The following ARPC5L variants were observed in gnomAD, a reference collection of about 807,000 sequenced individuals.
ARPC5L encodes actin-related protein 2/3 complex subunit 5-like protein.
In ARPC5L, 4 loss-of-function variants were observed where a neutral mutation model predicts 16.9. That is an observed-to-expected ratio of 0.24 (90% CI 0.12 to 0.54). ARPC5L has a LOEUF of 0.54. Among genes scored for constraint, ARPC5L ranks in the 20% least tolerant of loss-of-function variants. The pLI is 0.95. For synonymous variants in ARPC5L, 78 were observed against 82.6 expected, an observed-to-expected ratio of 0.94 and a Z score of 0.30; for missense variants, 151 against 201.9, an observed-to-expected ratio of 0.75 and a Z score of 1.53.
At chr9:124,864,534 G>GT (rs1348913327) in intron 2 of ARPC5L, among the ~76,000 whole-genome samples, 1 of 151,940 alleles carries the variant, frequency 6.6e-6, no homozygotes. Flanking sequence ...GCTAATTTTT[G>GT]TTTTTTTAGT....
chr9:124,870,472 A>T (rs1424499785), intron 3 of ARPC5L, among the ~76,000 whole-genome samples: 2 of 151,890 alleles, frequency 1.3e-5, no homozygotes, highest in East Asian at 3.9e-4. Context: ...TCGGTGTTGA[A>T]CCAGTTGACT....
Position 124,876,871 on chromosome 9 carries a change from C to G in ARPC5L, c.400-7C>G. The G allele has an allele frequency of 6.2e-7, 1 of 1,609,988 alleles. No homozygotes were observed. Among genetic ancestry groups the G allele is most frequent in the Non-Finnish European group, 8.5e-7 (1 of 1,178,808 alleles). ...ATCTGACACGTTTTCTTTTCCTGCC[C>G]CCACAGGCCTTAGCAGTAGGAGGAC... On this transcript the variant is annotated splice_polypyrimidine_tract_variant and splice_region_variant and intron_variant, in intron 5 of 5. Transcript: ENST00000353214.
At position 124,869,581 on chromosome 9, in the gene ARPC5L, C is replaced by T. The variant is rs141870616; in HGVS notation, c.149+142C>T. ...AGGTCAGCCTCCAGCTCCCTGCCGA[C>T]CCGGCTTCCCTGGGCCGTGCTCCCT... On this transcript the variant is annotated intron_variant, in intron 3 of 5. Transcript: ENST00000353214. 128 of 1,331,572 alleles carry T rather than the reference C, an allele frequency of 9.6e-5. No individual in the cohort carries two copies. In the African/African-American group the frequency reaches 1.7e-3, roughly 18 times the overall value. 82.5% of individuals were successfully genotyped at this position (1,331,572 alleles called of 1,614,324 possible).
At chr9:124,869,527 C>T (rs1829324825) in intron 3 of ARPC5L, 88 bp downstream of exon 3, 5 of 1,390,488 alleles carry the variant, frequency 3.6e-6, no homozygotes, top group Non-Finnish European at 4.6e-6. Flanking sequence ...TCGGGCGGGC[C>T]TCCCCTGTCT....
chr9:124,872,055 C>A (rs1056624306), intron 3 of ARPC5L, among the ~76,000 whole-genome samples: 1 of 152,192 alleles, frequency 6.6e-6, no homozygotes, highest in East Asian at 1.9e-4. Flanking sequence ...CGCCCCACAT[C>A]TCCCAACTGC....
At chr9:124,867,173 A>C (rs1588041042) in intron 2 of ARPC5L, among the ~76,000 whole-genome samples, 3 of 128,104 alleles carry the variant, frequency 2.3e-5, no homozygotes, top group African/African-American at 6.1e-5. Flanking sequence ...ATGGTATCTC[A>C]CTCCATCGCC....
At chr9:124,874,307 C>T (rs771465650) in intron 4 of ARPC5L, among the ~76,000 whole-genome samples, 22 of 152,184 alleles carry the variant, frequency 1.4e-4, no homozygotes, top group African/African-American at 5.3e-4. Flanking sequence ...GGTGTGAACA[C>T]AAGAGGGACG....
chr9:124,873,717 G>A lies in ARPC5L; in HGVS notation c.175G>A (p.Ala59Thr). The A allele has an allele frequency of 6.2e-7, 1 of 1,614,238 alleles. No individual in the cohort carries two copies. ...RQGDMLRAFH[A>T]ALRNSPVNTK... Reference sequence around the variant, plus strand: ...AGGGGACATGCTTCGGGCATTCCATGCAGCCTTGCGGAACTCTCCCGTCAA... The same window carrying A: ...AGGGGACATGCTTCGGGCATTCCATACAGCCTTGCGGAACTCTCCCGTCAA... The change falls in exon 4 of 6, where the codon GCA (alanine) becomes ACA (threonine). Residue 59 changes from alanine (A) to threonine (T), a missense_variant. Ala to Thr is a moderately conservative substitution (Grantham distance 58, BLOSUM62 0). Transcript: ENST00000353214.
In ARPC5L at chr9:124,866,141, CG is replaced by C. The variant is rs1469062792; in HGVS notation, c.-864+2035del. ...AAAACAGGTCAGGCGCAGTGGCTCA[CG>C]TCTGTAATCCCAGCACTTTAGGAAG... On this transcript the variant is annotated intron_variant, in intron 2 of 5. Transcript: ENST00000353214. 5.9e-5 allele frequency among the ~76,000 whole-genome samples: 9 copies of C among 151,894 alleles called. No homozygotes were observed. The East Asian group carries it at 1.7e-3, about 29-fold the overall frequency.
chr9:124,869,895 C>T (rs1829331426), intron 3 of ARPC5L, among the ~76,000 whole-genome samples: 1 of 152,234 alleles, frequency 6.6e-6, no homozygotes, highest in Non-Finnish European at 1.5e-5. Flanking sequence ...GGGCGCGGTC[C>T]TCCGGGGCCC....
Position 124,873,707 on chromosome 9 carries a change from G to C in ARPC5L, c.165G>C (p.Arg55=), listed in dbSNP as rs36037375. The change falls in exon 4 of 6, where the codon CGG becomes CGC. Residue 55 remains arginine, a synonymous_variant. Coordinates refer to ENST00000353214, the MANE Select transcript of ARPC5L (RefSeq NM_030978.3). ...DGLLRQGDML[R]AFHAALRNSP... is the part of the protein sequence containing the mutation. The stretch of plus-strand genomic sequence containing the variant: ...GGTGATGCACAGGGGACATGCTTCG[G>C]GCATTCCATGCAGCCTTGCGGAACT... 4.9e-3 allele frequency: 7,985 copies of C among 1,614,168 alleles called. 333 individuals carry two copies. In the African/African-American group the frequency reaches 0.09, roughly 18 times the overall value.
chr9:124,871,355 C>G (rs564959015), intron 3 of ARPC5L, among the ~76,000 whole-genome samples: 9 of 152,302 alleles, frequency 5.9e-5, no homozygotes, highest in South Asian at 2.1e-4. Context: ...ACGTGGCGGA[C>G]AGCCATGCTG....
intron 1 of ARPC5L, among the ~76,000 whole-genome samples, chr9:124,862,839 A>AT (rs968186456): frequency 7.0e-6 from 1 of 143,404 alleles, no homozygotes; most frequent in African/African-American, 2.6e-5. Flanking sequence ...GCCTTTATTT[A>AT]TTTTTTTTAT....
chr9:124,868,452 A>G lies in ARPC5L; in HGVS notation c.-839A>G, dbSNP rs1190020446. The stretch of plus-strand genomic sequence containing the variant: ...GATTCTGAGAATTTGGTTTCTGTCA[A>G]GATGTGCCTCTCCAGCCAGGCCTCT... On this transcript the variant is annotated 5_prime_UTR_variant, in exon 3 of 6. Coordinates refer to ENST00000353214, the MANE Select transcript of ARPC5L (RefSeq NM_030978.3). The G allele has an allele frequency of 6.6e-6, 1 of 152,200 alleles. No homozygotes were observed. Among genetic ancestry groups the G allele is most frequent in the Non-Finnish European group, 1.5e-5 (1 of 68,028 alleles). 9.4% of individuals were successfully genotyped at this position (152,200 alleles called of 1,614,324 possible).
rs1380530841 is a variant in ARPC5L at position 124,875,090 on chromosome 9, A to G, written c.338A>G (p.Tyr113Cys). 2 of 1,614,150 alleles carry G rather than the reference A, an allele frequency of 1.2e-6. No homozygotes were observed. The highest frequency in any genetic ancestry group is 1.7e-6 in the Non-Finnish European group (2 of 1,179,962). Residue 113 changes from tyrosine to cysteine, a missense_variant, in exon 5 of 6, where the codon TAT becomes TGT. Coordinates refer to ENST00000353214, the MANE Select transcript of ARPC5L (RefSeq NM_030978.3). ...NGVDLLMKYI[Y>C]KGFEKPTENS... ...GTTGACTTGTTAATGAAGTACATTT[A>G]TAAAGGCTTTGAGAAGCCCACAGAA...
rs1313337311 is a variant in ARPC5L, at chr9:124,869,395, G to A, written c.105G>A (p.Ala35=). The A allele has an allele frequency of 4.0e-6, 6 of 1,511,116 alleles. No homozygotes were observed. The highest frequency in any genetic ancestry group is 1.2e-5 in the South Asian group (1 of 81,026). The allele number at this position is 1,511,116 out of a possible 1,614,324, so 93.6% of individuals were successfully genotyped here. The change falls in exon 3 of 6, where the codon GCG becomes GCA. Residue 35 remains alanine (A), a synonymous_variant. Transcript: ENST00000353214. Reference sequence around the variant, plus strand: ...AGGAGGAGGCGGCGGCGGCGGCGGCGGAGCCAGGCCCGGACCCGAGCGAGG... The same window carrying A: ...AGGAGGAGGCGGCGGCGGCGGCGGCAGAGCCAGGCCCGGACCCGAGCGAGG... The part of the protein sequence containing the change: ...DEQEEAAAAA[A]EPGPDPSEVD...
intron 3 of ARPC5L, among the ~76,000 whole-genome samples, chr9:124,871,024 A>C (rs1829349571): frequency 6.6e-6 from 1 of 152,182 alleles, no homozygotes; most frequent in Non-Finnish European, 1.5e-5. Flanking sequence ...GATAAAGGTA[A>C]CTGAAACCCT....
chr9:124,874,165 A>G (rs1829400410), intron 4 of ARPC5L, among the ~76,000 whole-genome samples: 1 of 152,204 alleles, frequency 6.6e-6, no homozygotes, highest in African/African-American at 2.4e-5. Context: ...TGCTTACTGC[A>G]TCACCAAGTC....
chr9:124,869,436 G>A lies in ARPC5L; in HGVS notation c.146G>A (p.Arg49Gln). ...PDPSEVDGLL[R>Q]QGDMLRAFHA... ...CCGAGCGAGGTGGACGGGCTCCTGCGGCAATATCCTTCCCTGACGCGGCGT... is the reference window on the plus strand; with the variant it reads ...CCGAGCGAGGTGGACGGGCTCCTGCAGCAATATCCTTCCCTGACGCGGCGT... Residue 49 changes from arginine (R) to glutamine (Q), a missense_variant, in exon 3 of 6, where the codon CGG becomes CAG. Physicochemically the swap from Arg to Gln is conservative, Grantham distance 43. Coordinates refer to ENST00000353214, the MANE Select transcript of ARPC5L (RefSeq NM_030978.3). 1.4e-6 allele frequency: 2 copies of A among 1,473,874 alleles called. No homozygotes were observed. The highest frequency in any genetic ancestry group is 9.0e-7 in the Non-Finnish European group (1 of 1,113,224). 91.3% of individuals were successfully genotyped at this position (1,473,874 alleles called of 1,614,324 possible).
Sources: gnomAD v4.1 joint callset for allele counts (sites outside exome capture counted in the v4.1 genomes callset) on GRCh38, gnomAD v4.1.1 for gene constraint, MANE v1.5 for transcripts, NCBI Gene and HGNC (gene_info 2026-07-23, HGNC 2026-07-21) for gene names.